The following TENM4 variants were observed in gnomAD, a reference collection of about 807,000 sequenced individuals.
TENM4 encodes teneurin-4.
Under a neutral mutation model 243.3 loss-of-function variants are expected in TENM4, and 82 were observed. That is an observed-to-expected ratio of 0.34 (90% CI 0.28 to 0.40). The LOEUF (loss-of-function observed/expected upper bound fraction) is 0.40, where lower values mean the gene tolerates loss of function less well. Ranked by LOEUF, TENM4 falls within the 10% of genes least tolerant of loss-of-function variation. TENM4 has a pLI of 1.00. For synonymous variants in TENM4, 1,412 were observed against 1,456.3 expected (o/e 0.97, Z 0.69); for missense variants, 3,138 against 3,673.3 (o/e 0.85, Z 3.77).
chr11:78,661,545 C>T lies in TENM4; in HGVS notation c.7455G>A (p.Val2485=). 1 of 1,613,328 alleles carries T rather than the reference C, an allele frequency of 6.2e-7. No homozygotes were observed. The highest frequency in any genetic ancestry group is 1.1e-5 in the South Asian group (1 of 90,724). The change falls in exon 33 of 34, where the codon GTG becomes GTA. Residue 2485 remains valine, a synonymous_variant. Transcript: ENST00000278550. ...TGTCTGGTTTGGGATAACCAGGGAT[C>T]ACGTTGTGTAGCTGGAATCCAAAGG... ...LLTFGFQLHN[V]IPGYPKPDMD...
At chr11:79,037,640 A>G (rs898547394) in intron 6 of TENM4, among the ~76,000 whole-genome samples, 1 of 152,158 alleles carries the variant, frequency 6.6e-6, no homozygotes, top group African/African-American at 2.4e-5. Context: ...CCATGTCTCA[A>G]ATTTTCTTTG....
chr11:78,857,020 A>C (rs1168982506), intron 10 of TENM4, among the ~76,000 whole-genome samples: 1 of 152,136 alleles, frequency 6.6e-6, no homozygotes, highest in African/African-American at 2.4e-5. Flanking sequence ...CCACAAATGC[A>C]AGCAAGGAAG....
intron 6 of TENM4, among the ~76,000 whole-genome samples, chr11:79,004,635 A>G (rs1023466165): frequency 2.0e-5 from 3 of 152,188 alleles, no homozygotes; most frequent in Non-Finnish European, 4.4e-5. Context: ...CTAAACAGTC[A>G]CATCAAAAAG....
chr11:79,406,703 A>C (rs79107488), intron 1 of TENM4, among the ~76,000 whole-genome samples: 1,702 of 152,292 alleles, frequency 0.011, 33 homozygotes, highest in African/African-American at 0.039. Context: ...CCTTTGTCAC[A>C]TCTAAGCCTG....
intron 3 of TENM4, among the ~76,000 whole-genome samples, chr11:79,187,644 C>T (rs373181629): frequency 3.3e-5 from 5 of 152,166 alleles, no homozygotes; most frequent in African/African-American, 9.7e-5. Context: ...GAAGTCCTAA[C>T]CCCCAGTACC....
intron 3 of TENM4, among the ~76,000 whole-genome samples, chr11:79,198,561 TC>T (rs772027201): frequency 8.5e-5 from 13 of 152,160 alleles, no homozygotes; most frequent in Non-Finnish European, 1.6e-4. Context: ...AAGAAACAAT[TC>T]CCAGCACCAC....
chr11:78,778,826 A>G (rs1385348783), intron 16 of TENM4, among the ~76,000 whole-genome samples, 198 bp from the exon 17 acceptor site: 1 of 152,182 alleles, frequency 6.6e-6, no homozygotes, highest in African/African-American at 2.4e-5. Flanking sequence ...TTCTCCAGGG[A>G]TGGCCAAAAG....
chr11:78,668,252 C>T (rs540241774), intron 32 of TENM4, among the ~76,000 whole-genome samples: 1 of 152,158 alleles, frequency 6.6e-6, no homozygotes, highest in East Asian at 1.9e-4. Context: ...ATTTTATCTC[C>T]ACTGTTGACT....
chr11:78,771,994 G>T (rs1231729914), intron 17 of TENM4, among the ~76,000 whole-genome samples: 4 of 152,146 alleles, frequency 2.6e-5, no homozygotes, highest in Non-Finnish European at 5.9e-5. Flanking sequence ...CCTATCAAAG[G>T]AGACAAATTT....
At chr11:78,793,961 C>A (rs961374193) in intron 15 of TENM4, among the ~76,000 whole-genome samples, 2 of 152,218 alleles carry the variant, frequency 1.3e-5, no homozygotes, top group African/African-American at 4.8e-5. Context: ...TCTCTGGAAT[C>A]AGTGTTTTCA....
intron 4 of TENM4, among the ~76,000 whole-genome samples, chr11:79,085,460 T>G (rs1860790033): frequency 6.6e-6 from 1 of 151,594 alleles, no homozygotes; most frequent in Non-Finnish European, 1.5e-5. Flanking sequence ...ATCTCTTACA[T>G]ACTTCTCGTA....
chr11:79,440,028 A>G lies in TENM4; in HGVS notation c.-321+481T>C, dbSNP rs893017827. ...ACCACCGCCCGTGCGGGGCTGCTGC[A>G]GCCGGCACTTGCCCCGCAGGGCAGG... On this transcript the variant is annotated intron_variant, in intron 1 of 33. Coordinates refer to ENST00000278550, the MANE Select transcript of TENM4 (RefSeq NM_001098816.3). The surrounding 1 kb of genome is among the most constrained non-coding windows in gnomAD (Gnocchi z 4.7). Among the ~76,000 whole-genome samples the G allele has an allele frequency of 5.9e-5, 9 of 151,998 alleles. No homozygotes were observed. The highest frequency in any genetic ancestry group is 1.3e-4 in the Non-Finnish European group (9 of 67,972).
chr11:78,737,004 G>A (rs764502189), intron 20 of TENM4, among the ~76,000 whole-genome samples: 3 of 152,192 alleles, frequency 2.0e-5, no homozygotes, highest in Non-Finnish European at 4.4e-5. Flanking sequence ...CTGAACTTAT[G>A]CCAGACTCGG....
At chr11:78,730,479 G>A (rs1004279890) in intron 21 of TENM4, among the ~76,000 whole-genome samples, 1 of 152,146 alleles carries the variant, frequency 6.6e-6, no homozygotes, top group Non-Finnish European at 1.5e-5. Flanking sequence ...CGGAGCTTCT[G>A]GCCACTCTGG....
chr11:79,074,618 T>C (rs1015456835), intron 4 of TENM4, among the ~76,000 whole-genome samples: 3 of 152,226 alleles, frequency 2.0e-5, no homozygotes, highest in Non-Finnish European at 4.4e-5. Context: ...ATTTCAGTCA[T>C]GCAGAACTGC....
At chr11:79,403,957 A>G (rs1590941834) in intron 1 of TENM4, among the ~76,000 whole-genome samples, 1 of 152,244 alleles carries the variant, frequency 6.6e-6, no homozygotes, top group African/African-American at 2.4e-5. Context: ...AGAGAATGAC[A>G]GTCAGCATTT....
At chr11:78,980,689 G>A (rs1423059728) in intron 6 of TENM4, among the ~76,000 whole-genome samples, 2 of 152,298 alleles carry the variant, frequency 1.3e-5, no homozygotes, top group African/African-American at 4.8e-5. Context: ...CTGTACAACC[G>A]TGGGCAAAGT....
At chr11:79,282,414 A>C (rs1856172647) in intron 2 of TENM4, among the ~76,000 whole-genome samples, 1 of 152,206 alleles carries the variant, frequency 6.6e-6, no homozygotes, top group African/African-American at 2.4e-5. Flanking sequence ...CTGCTGAATA[A>C]ATGAATGGCC....
intron 1 of TENM4, among the ~76,000 whole-genome samples, chr11:79,345,610 G>T (rs1306694134): frequency 1.3e-5 from 2 of 152,192 alleles, no homozygotes; most frequent in East Asian, 3.9e-4. Flanking sequence ...CAAAGACTAG[G>T]GTTCATATTC....
Sources: allele counts gnomAD v4.1 joint callset (sites outside exome capture counted in the v4.1 genomes callset), GRCh38; gene constraint gnomAD v4.1.1; non-coding constraint Gnocchi (gnomAD v3.1); transcripts MANE v1.5; gene names NCBI Gene and HGNC (gene_info 2026-07-23, HGNC 2026-07-21).